CDYL: variants seen among roughly 807,000 people sequenced by gnomAD.
The protein encoded by CDYL is chromodomain Y-like protein.
CDYL carries 8 observed loss-of-function variants against 47.3 expected under a neutral mutation model. The observed-to-expected ratio is 0.17, with a 90% CI of 0.10 to 0.31. CDYL has a LOEUF of 0.31. Among genes scored for constraint, CDYL ranks in the 10% least tolerant of loss-of-function variants. The probability of loss-of-function intolerance (pLI) is 1.00; values close to 1 mark genes in which losing one functional copy is unlikely to be tolerated. For synonymous variants in CDYL, 266 were observed against 265.0 expected (o/e 1.00, Z -0.04); for missense variants, 471 against 701.4 (o/e 0.67, Z 3.71).
chr6:4,745,839 G>C (rs1005463743), intron 3 of CDYL, among the ~76,000 whole-genome samples: 1 of 152,114 alleles, frequency 6.6e-6, no homozygotes, highest in Non-Finnish European at 1.5e-5. Context: ...TGCCAAGTGT[G>C]GGCAGACTGG....
intron 3 of CDYL, among the ~76,000 whole-genome samples, chr6:4,737,212 A>T (rs906351794): frequency 3.9e-5 from 6 of 152,226 alleles, no homozygotes; most frequent in African/African-American, 1.2e-4. Context: ...ATGTGACTTT[A>T]ACTGATTTGA....
intron 1 of CDYL, among the ~76,000 whole-genome samples, chr6:4,783,900 A>G (rs758759931): frequency 6.6e-6 from 1 of 152,176 alleles, no homozygotes; most frequent in Non-Finnish European, 1.5e-5. Flanking sequence ...GTGCCTCATC[A>G]GCTCGAAAAT....
chr6:4,787,585 C>G (rs1758788595), intron 1 of CDYL, among the ~76,000 whole-genome samples: 1 of 151,940 alleles, frequency 6.6e-6, no homozygotes, highest in South Asian at 2.1e-4. Flanking sequence ...AGTGCTGAGA[C>G]CAGACACATT....
intron 1 of CDYL, among the ~76,000 whole-genome samples, chr6:4,836,917 G>T (rs1301296880): frequency 6.6e-6 from 1 of 152,162 alleles, no homozygotes; most frequent in Non-Finnish European, 1.5e-5. Context: ...TTATGTGAGT[G>T]CCCTGGAATG....
At chr6:4,708,356 C>T (rs1680435959) in intron 1 of CDYL, among the ~76,000 whole-genome samples, 1 of 152,144 alleles carries the variant, frequency 6.6e-6, no homozygotes, top group South Asian at 2.1e-4. Flanking sequence ...GATGGGTTTT[C>T]ACCATGTTGT....
chr6:4,726,174 G>C (rs1402158239), intron 2 of CDYL, among the ~76,000 whole-genome samples: 2 of 152,044 alleles, frequency 1.3e-5, no homozygotes, highest in East Asian at 1.9e-4. Flanking sequence ...GCACTTTGGC[G>C]TACACAGGCA....
chr6:4,933,759 C>G (rs111568085), intron 2 of CDYL, among the ~76,000 whole-genome samples: 1 of 152,192 alleles, frequency 6.6e-6, no homozygotes, highest in Admixed American at 6.5e-5. Flanking sequence ...TAGAACTACT[C>G]CAGGCTACAA....
At chr6:4,751,707 A>G (rs1442501413) in intron 3 of CDYL, among the ~76,000 whole-genome samples, 2 of 152,250 alleles carry the variant, frequency 1.3e-5, no homozygotes, top group Admixed American at 1.3e-4. Context: ...GGCATGAACC[A>G]GTTTTTAACT....
intron 2 of CDYL, among the ~76,000 whole-genome samples, chr6:4,730,718 C>T (rs1335737241): frequency 1.3e-5 from 2 of 149,510 alleles, no homozygotes. Context: ...CCTCTTTCAG[C>T]ATCCCCTTGC....
intron 1 of CDYL, among the ~76,000 whole-genome samples, chr6:4,863,550 A>T (rs1224679922): frequency 1.3e-5 from 2 of 152,218 alleles, no homozygotes. Context: ...ATTTGGTGGC[A>T]TTCTTCTCTA....
At chr6:4,774,229 A>G (rs1758381924), upstream of CDYL, among the ~76,000 whole-genome samples, 1 of 152,222 alleles carries the variant, frequency 6.6e-6, no homozygotes, top group African/African-American at 2.4e-5. Context: ...TTTCCTATTG[A>G]GGATCTCTTT....
At chr6:4,939,583 T>G (rs1274529963) in intron 4 of CDYL, among the ~76,000 whole-genome samples, 4 of 152,212 alleles carry the variant, frequency 2.6e-5, no homozygotes, top group African/African-American at 9.6e-5. Context: ...GTTTGAAATT[T>G]TATAGTCTGA....
rs993733673 is a variant in CDYL, at chr6:4,911,129, A to G, written c.691+18750A>G. Among the ~76,000 whole-genome samples, 4 of 152,338 alleles carry G rather than the reference A, an allele frequency of 2.6e-5. No individual in the cohort carries two copies. The East Asian group carries it at 7.7e-4, about 29-fold the overall frequency. On this transcript the variant is annotated intron_variant, in intron 2 of 6. Transcript: ENST00000397588. ...GCGTGAGCCACTGCGCCCAGCCGAA[A>G]AAGGATTTTTAAGGCAGTTGACAGT...
At chr6:4,706,410 A>G (rs1426786658) in intron 1 of CDYL, among the ~76,000 whole-genome samples, 1 of 151,836 alleles carries the variant, frequency 6.6e-6, no homozygotes. Context: ...GGGTTCTGTA[A>G]CTTTAAGAGT....
upstream of CDYL, among the ~76,000 whole-genome samples, chr6:4,772,344 G>A (rs1758349905): frequency 6.6e-6 from 1 of 152,186 alleles, no homozygotes; most frequent in South Asian, 2.1e-4. Flanking sequence ...ATGGAGGGCG[G>A]CAGGGAGAGG....
At chr6:4,879,552 G>GTTTTTTTTTTTTTTTTTTT (rs59685693) in intron 1 of CDYL, among the ~76,000 whole-genome samples, 2 of 106,158 alleles carry the variant, frequency 1.9e-5, no homozygotes, top group Non-Finnish European at 3.6e-5. Flanking sequence ...TTTTTGTGGG[G>GTTTTTTTTTTTTTTTTTTT]TTTTTTTTTT....
intron 1 of CDYL, among the ~76,000 whole-genome samples, chr6:4,833,523 G>A (rs1451174752): frequency 6.7e-6 from 1 of 149,442 alleles, no homozygotes; most frequent in Non-Finnish European, 1.5e-5. Flanking sequence ...TAGGTGTGGT[G>A]TGGTGCTGAA....
intron 3 of CDYL, among the ~76,000 whole-genome samples, chr6:4,748,145 T>C (rs919987043): frequency 6.6e-6 from 1 of 152,228 alleles, no homozygotes; most frequent in African/African-American, 2.4e-5. Context: ...TATGTTGACC[T>C]CTTGCTTCTT....
chr6:4,901,545 T>A (rs755635249), intron 2 of CDYL, among the ~76,000 whole-genome samples: 31 of 152,302 alleles, frequency 2.0e-4, no homozygotes, highest in East Asian at 3.9e-4. Context: ...AATCCTTGTT[T>A]TACAGAAGAG....
Sources: allele counts gnomAD v4.1 joint callset (sites outside exome capture counted in the v4.1 genomes callset), GRCh38; gene constraint gnomAD v4.1.1; transcripts MANE v1.5; gene names NCBI Gene and HGNC (gene_info 2026-07-23, HGNC 2026-07-21).